RPS23: variants seen among roughly 807,000 people sequenced by gnomAD.
RPS23 encodes small ribosomal subunit protein uS12.
For missense variants in RPS23, 73 were observed against 174.5 expected (o/e 0.42, Z 3.28); for synonymous variants, 66 against 60.4 (o/e 1.09, Z -0.43).
chr5:82,278,146 C>T (rs11747862), intron 1 of RPS23, 174 bp downstream of exon 1: 5 of 872,140 alleles, frequency 5.7e-6, no homozygotes, highest in Non-Finnish European at 8.8e-6. Context: ...GCCTCCACGC[C>T]TCATGGGCCC....
chr5:82,275,515 A>G lies in RPS23; in HGVS notation c.*594T>C. 1 of 586,966 alleles carries G rather than the reference A, an allele frequency of 1.7e-6. No homozygotes were observed. Among genetic ancestry groups the G allele is most frequent in the South Asian group, 2.1e-5 (1 of 48,730 alleles). The allele number at this position is 586,966 out of a possible 1,614,324, so 36.4% of individuals were successfully genotyped here. A position where few individuals can be genotyped will look rare whatever the true frequency, so the allele number is the denominator to read the frequency against. On this transcript the variant is annotated 3_prime_UTR_variant, in exon 4 of 4. Transcript: ENST00000296674. ...CCTGGCATATACTTCCATCAACTAA[A>G]TGATCCAATGCCTGTATTCTCCTAA...
chr5:82,277,979 G>C (rs371248899), intron 1 of RPS23, 127 bp from the exon 2 acceptor site: 8 of 875,568 alleles, frequency 9.1e-6, no homozygotes, highest in Non-Finnish European at 1.0e-5. Context: ...TTATTGGCCT[G>C]TGGGCCAAAC....
chr5:82,275,430 T>C lies in RPS23; in HGVS notation c.*679A>G. 1.6e-6 allele frequency: 1 copy of C among 623,746 alleles called. No homozygotes were observed. 38.6% of individuals were successfully genotyped at this position (623,746 alleles called of 1,614,324 possible). ...TAGTCTTTGAAGACATGAAGGTCTC[T>C]GACAACCTCATGAGAAGATACTGAA... is the stretch of plus-strand genomic sequence containing the variant. On this transcript the variant is annotated 3_prime_UTR_variant, in exon 4 of 4. Transcript: ENST00000296674.
At chr5:82,277,362 T>C in intron 2 of RPS23, 1 of 351,886 alleles carries the variant, frequency 2.8e-6, no homozygotes, top group Non-Finnish European at 5.3e-6. Context: ...TCACCTTAGT[T>C]TTATCAAGTC....
chr5:82,275,950 T>C lies in RPS23; in HGVS notation c.*159A>G, dbSNP rs1484375257. The stretch of plus-strand genomic sequence containing the variant: ...AACCCTGTCTTATTGTCTCCTAAAA[T>C]TGGTACAGGTCCTGCGTTTGCTGGT... On this transcript the variant is annotated 3_prime_UTR_variant, in exon 4 of 4. Transcript: ENST00000296674. The C allele has an allele frequency of 9.3e-6, 6 of 643,352 alleles. No individual in the cohort carries two copies. The highest frequency in any genetic ancestry group is 4.3e-4 in the Middle Eastern group (1 of 2,328). The allele number at this position is 643,352 out of a possible 1,614,324, so 39.9% of individuals were successfully genotyped here.
At chr5:82,277,384 A>G in intron 2 of RPS23, 1 of 386,236 alleles carries the variant, frequency 2.6e-6, no homozygotes, top group Non-Finnish European at 4.8e-6. Context: ...ATAAAGTTCA[A>G]TAGCTGACAC....
In RPS23 at chr5:82,275,698, A is replaced by T. The variant is rs911371633; in HGVS notation, c.*411T>A. The stretch of plus-strand genomic sequence containing the variant: ...AGGGTACCTAAGATAATCTATGTGC[A>T]ATGAAATTTGGTAACTGAAGTGTTG... On this transcript the variant is annotated 3_prime_UTR_variant, in exon 4 of 4. Coordinates refer to ENST00000296674, the MANE Select transcript of RPS23 (RefSeq NM_001025.5). The T allele has an allele frequency of 1.2e-5, 3 of 251,840 alleles. No homozygotes were observed. The highest frequency in any genetic ancestry group is 2.3e-5 in the Non-Finnish European group (3 of 133,154). The allele number at this position is 251,840 out of a possible 1,614,324, so 15.6% of individuals were successfully genotyped here.
At position 82,275,783 on chromosome 5, in the gene RPS23, GT is replaced by G. The variant is rs1747760203; in HGVS notation, c.*325del. The G allele has an allele frequency of 1.8e-5, 5 of 280,332 alleles. No individual in the cohort carries two copies. The highest frequency in any genetic ancestry group is 3.3e-5 in the Non-Finnish European group (5 of 151,568). 17.4% of individuals were successfully genotyped at this position (280,332 alleles called of 1,614,324 possible). ...AAGTATCTCACTAGAATTTCAGTGAGTTTTTGAAGTTCCCTTAAAGTTCTTA... is the reference window on the plus strand; with the variant it reads ...AAGTATCTCACTAGAATTTCAGTGAGTTTTGAAGTTCCCTTAAAGTTCTTA... On this transcript the variant is annotated 3_prime_UTR_variant, in exon 4 of 4. Transcript: ENST00000296674.
intron 2 of RPS23, chr5:82,277,437 G>T (rs1403952411): frequency 2.0e-6 from 1 of 492,996 alleles, no homozygotes; most frequent in African/African-American, 1.9e-5. Flanking sequence ...AGGTGTTTGT[G>T]TCCTTTACTT....
At position 82,277,837 on chromosome 5, in the gene RPS23, A is replaced by T; in HGVS notation, c.20T>A (p.Leu7His). ...ACTACGGAGCTTCCTAGCAGTACGA[A>T]GTCCACGACACTTGCCTAAAAATTA... MGKCRG[L>H]RTARKLRSHR... The change falls in exon 2 of 4, where the codon CTT (leucine) becomes CAT (histidine). Residue 7 changes from leucine to histidine, a missense_variant. Transcript: ENST00000296674. The T allele has an allele frequency of 6.2e-7, 1 of 1,612,492 alleles. No homozygotes were observed.
At chr5:82,276,727 AAAAGTAGACTGGAGTGGCAGCGT>A in intron 2 of RPS23, 2 of 623,350 alleles carry the variant, frequency 3.2e-6, no homozygotes, top group Non-Finnish European at 5.5e-6. Context: ...TTACAGTTAT[AAAAGTAGACTGGAGTGGCAGCGT>A]GGGCCTGTAG....
chr5:82,274,205 CTTATT>C lies in RPS23; in HGVS notation c.*1899_*1903del, dbSNP rs1747717899. The C allele has an allele frequency of 6.6e-6, 1 of 152,116 alleles. No homozygotes were observed. Among genetic ancestry groups the C allele is most frequent in the Non-Finnish European group, 1.5e-5 (1 of 68,020 alleles). The allele number at this position is 152,116 out of a possible 1,614,324, so 9.4% of individuals were successfully genotyped here. The stretch of plus-strand genomic sequence containing the variant: ...GAATGTCTATTTATGGATTCCCTAT[CTTATT>C]TTATTGATGTGTATTTTTGTCTCTC... On this transcript the variant is annotated 3_prime_UTR_variant, in exon 4 of 4. Transcript: ENST00000296674.
chr5:82,277,953 T>A (rs1227046923), intron 1 of RPS23, 101 bp from the exon 2 acceptor site: 1 of 1,072,962 alleles, frequency 9.3e-7, no homozygotes, highest in South Asian at 1.5e-5. Context: ...CTTAAGCCGA[T>A]TGGCTCTCGT....
In RPS23 at chr5:82,278,268, C is replaced by G. The variant is rs537801440; in HGVS notation, c.4+52G>C. On this transcript the variant is annotated intron_variant, in intron 1 of 3. Transcript: ENST00000296674. ...CTATTCGCATCCGCCCGCCCGTCCCCAAGACCCCAAGTCCCGCTTGCAGCG... is the reference window on the plus strand; with the variant it reads ...CTATTCGCATCCGCCCGCCCGTCCCGAAGACCCCAAGTCCCGCTTGCAGCG... 317 of 1,598,940 alleles carry G rather than the reference C, an allele frequency of 2.0e-4. 1 individual carries two copies. Among genetic ancestry groups the G allele is most frequent in the Non-Finnish European group, 2.6e-4 (309 of 1,172,876 alleles).
rs1300792490 is a variant in RPS23 at position 82,278,328 on chromosome 5, T to C, written c.-5A>G. The C allele has an allele frequency of 1.2e-6, 2 of 1,609,868 alleles. No individual in the cohort carries two copies. The highest frequency in any genetic ancestry group is 1.3e-5 in the African/African-American group (1 of 74,798). ...CGGCCACAACAGCTCACCCATCCTG[T>C]CGGCGCCACGGGCCTGAGCGAAAGA... On this transcript the variant is annotated 5_prime_UTR_variant, in exon 1 of 4. Coordinates refer to ENST00000296674, the MANE Select transcript of RPS23 (RefSeq NM_001025.5).
chr5:82,278,034 G>A (rs932072694), intron 1 of RPS23, 182 bp from the exon 2 acceptor site: 3 of 658,148 alleles, frequency 4.6e-6, no homozygotes, highest in East Asian at 5.5e-5. Context: ...AACGTTCGAA[G>A]AGGGCTCCGG....
Position 82,274,627 on chromosome 5 carries a change from G to A in RPS23, c.*1482C>T, listed in dbSNP as rs1747730904. 6.6e-6 allele frequency: 1 copy of A among 152,650 alleles called. No homozygotes were observed. Among genetic ancestry groups the A allele is most frequent in the African/African-American group, 2.4e-5 (1 of 41,458 alleles). 9.5% of individuals were successfully genotyped at this position (152,650 alleles called of 1,614,324 possible). A position where few individuals can be genotyped will look rare whatever the true frequency, so the allele number is the denominator to read the frequency against. On this transcript the variant is annotated 3_prime_UTR_variant, in exon 4 of 4. Coordinates refer to ENST00000296674, the MANE Select transcript of RPS23 (RefSeq NM_001025.5). ...CCCCGCGCCTGACGCCCAGGGCCTG[G>A]AATCGCGCTGCAACCGCGGCCTCTT...
chr5:82,278,122 C>T, intron 1 of RPS23, 198 bp downstream of exon 1: 2 of 730,232 alleles, frequency 2.7e-6, no homozygotes, highest in Non-Finnish European at 4.5e-6. Flanking sequence ...TCCCTCGGTA[C>T]CCCGACCTCG....
At position 82,273,609 on chromosome 5, in the gene RPS23, A is replaced by G. The variant is rs1352581056; in HGVS notation, c.*2500T>C. 7.1e-6 allele frequency: 1 copy of G among 141,822 alleles called. No individual in the cohort carries two copies. Among genetic ancestry groups the G allele is most frequent in the African/African-American group, 3.1e-5 (1 of 32,596 alleles). 8.8% of individuals were successfully genotyped at this position (141,822 alleles called of 1,614,324 possible). A position where few individuals can be genotyped will look rare whatever the true frequency, so the allele number is the denominator to read the frequency against. On this transcript the variant is annotated 3_prime_UTR_variant, in exon 4 of 4. Coordinates refer to ENST00000296674, the MANE Select transcript of RPS23 (RefSeq NM_001025.5). ...GATTTTTAACTACTAGGTTTAGGCCAGGCAGGCCCAGGGCTGGTTTCAGGC... is the reference window on the plus strand; with the variant it reads ...GATTTTTAACTACTAGGTTTAGGCCGGGCAGGCCCAGGGCTGGTTTCAGGC...
Sources: allele counts gnomAD v4.1 joint callset, GRCh38; gene constraint gnomAD v4.1.1; transcripts MANE v1.5; gene names NCBI Gene and HGNC (gene_info 2026-07-23, HGNC 2026-07-21).